SLC35F1: variants seen among roughly 807,000 people sequenced by gnomAD.
The protein encoded by SLC35F1 is solute carrier family 35 member F1, also known as chromosome 6 open reading frame 169.
A neutral mutation model predicts 48.7 loss-of-function variants in SLC35F1; 14 were observed. The ratio of observed to expected loss-of-function variants is 0.29; its 90% CI spans 0.19 to 0.45. SLC35F1 has a LOEUF of 0.45. SLC35F1 is among the 20% of genes least tolerant of loss of function. The probability of loss-of-function intolerance (pLI) is 1.00; values close to 1 mark genes in which losing one functional copy is unlikely to be tolerated. For synonymous variants in SLC35F1, 190 were observed against 202.2 expected, an observed-to-expected ratio of 0.94 and a Z score of 0.51; for missense variants, 404 against 500.0, an observed-to-expected ratio of 0.81 and a Z score of 1.83.
intron 1 of SLC35F1, among the ~76,000 whole-genome samples, chr6:118,116,730 C>T (rs1773480915): frequency 6.6e-6 from 1 of 152,160 alleles, no homozygotes; most frequent in Non-Finnish European, 1.5e-5. Context: ...GCCAACTTCT[C>T]AAACTTGCTC....
intron 2 of SLC35F1, among the ~76,000 whole-genome samples, chr6:118,221,329 C>G (rs115307658): frequency 0.014 from 2,109 of 152,224 alleles, 56 homozygotes; most frequent in African/African-American, 0.048. Context: ...AAGGCACCTC[C>G]GCAAAAACAG....
intron 1 of SLC35F1, among the ~76,000 whole-genome samples, chr6:118,000,094 T>G (rs1240602101): frequency 3.3e-5 from 5 of 152,170 alleles, no homozygotes; most frequent in Admixed American, 6.5e-5. Flanking sequence ...CCCTAACTCA[T>G]TTTACGAGGC....
intron 2 of SLC35F1, among the ~76,000 whole-genome samples, chr6:118,190,496 A>T (rs189743724): frequency 9.6e-4 from 146 of 152,082 alleles, no homozygotes; most frequent in African/African-American, 3.0e-3. Context: ...AGTATGATTT[A>T]AAAAAACTTG....
chr6:118,037,389 G>T lies in SLC35F1; in HGVS notation c.174-117056G>T, dbSNP rs372720836. Among the ~76,000 whole-genome samples, 3 of 151,954 alleles carry T rather than the reference G, an allele frequency of 2.0e-5. No individual in the cohort carries two copies. The East Asian group carries it at 5.8e-4, about 29-fold the overall frequency. On this transcript the variant is annotated intron_variant, in intron 1 of 7. Transcript: ENST00000360388. ...ACATTTTTATCATTTTTTTATCTGTGTTAATTTTCTCTGCTTTTTGTTCTT... is the reference window on the plus strand; with the variant it reads ...ACATTTTTATCATTTTTTTATCTGTTTTAATTTTCTCTGCTTTTTGTTCTT...
At chr6:117,993,999 A>G (rs1776953007) in intron 1 of SLC35F1, among the ~76,000 whole-genome samples, 1 of 152,150 alleles carries the variant, frequency 6.6e-6, no homozygotes, top group Non-Finnish European at 1.5e-5. Context: ...ACTGGGTCTC[A>G]AGAGACAGAA....
chr6:118,153,228 A>C lies in SLC35F1; in HGVS notation c.174-1217A>C, dbSNP rs190523520. Among the ~76,000 whole-genome samples the C allele has an allele frequency of 7.2e-5, 11 of 152,010 alleles. No homozygotes were observed. In the East Asian group the frequency reaches 1.9e-3, roughly 27 times the overall value. On this transcript the variant is annotated intron_variant, in intron 1 of 7. Coordinates refer to ENST00000360388, the MANE Select transcript of SLC35F1 (RefSeq NM_001029858.4). Reference sequence around the variant, plus strand: ...TTTGCCTAAAGCTTTTTGTTTAGAAATCATACTGCATTACAAACTAGAGTG... The same window carrying C: ...TTTGCCTAAAGCTTTTTGTTTAGAACTCATACTGCATTACAAACTAGAGTG...
chr6:118,171,202 A>C (rs1774399236), intron 2 of SLC35F1, among the ~76,000 whole-genome samples: 1 of 151,936 alleles, frequency 6.6e-6, no homozygotes, highest in African/African-American at 2.4e-5. Context: ...ATGCCCTGAT[A>C]ATTTTTATAT....
Position 118,154,694 on chromosome 6 carries a change from G to A in SLC35F1, c.349+74G>A, listed in dbSNP as rs116164312. The A allele has an allele frequency of 5.3e-4, 744 of 1,400,726 alleles. 8 individuals carry two copies. In the African/African-American group the frequency reaches 8.5e-3, roughly 16 times the overall value. 86.8% of individuals were successfully genotyped at this position (1,400,726 alleles called of 1,614,324 possible). A position where few individuals can be genotyped will look rare whatever the true frequency, so the allele number is the denominator to read the frequency against. On this transcript the variant is annotated intron_variant, in intron 2 of 7. Coordinates refer to ENST00000360388, the MANE Select transcript of SLC35F1 (RefSeq NM_001029858.4). ...AAAAGATGAGCCATGACCAGATAAC[G>A]TTTTGTCACTTAAGCATCAGTTAAG... is the stretch of plus-strand genomic sequence containing the variant.
intron 1 of SLC35F1, among the ~76,000 whole-genome samples, chr6:118,086,551 AG>A (rs1314796495): frequency 6.6e-6 from 1 of 152,200 alleles, no homozygotes; most frequent in Non-Finnish European, 1.5e-5. Flanking sequence ...CAAAAAACTG[AG>A]GCAGAAGAGG....
At chr6:118,031,808 G>A (rs1303933367) in intron 1 of SLC35F1, among the ~76,000 whole-genome samples, 1 of 152,180 alleles carries the variant, frequency 6.6e-6, no homozygotes, top group East Asian at 1.9e-4. Context: ...TAGGAAAAGA[G>A]TGGTAGCTTT....
intron 1 of SLC35F1, among the ~76,000 whole-genome samples, chr6:117,998,250 T>A (rs1332937399): frequency 6.9e-6 from 1 of 145,734 alleles, no homozygotes; most frequent in Non-Finnish European, 1.5e-5. Context: ...ATGCACCCAA[T>A]ACAGGAGCAC....
At chr6:118,056,341 A>G (rs756286943) in intron 1 of SLC35F1, among the ~76,000 whole-genome samples, 6 of 152,152 alleles carry the variant, frequency 3.9e-5, no homozygotes, top group Non-Finnish European at 8.8e-5. Context: ...TGTTTTTTCT[A>G]AGAATTAAAT....
At chr6:118,154,998 A>C (rs992239772) in intron 2 of SLC35F1, among the ~76,000 whole-genome samples, 5 of 152,208 alleles carry the variant, frequency 3.3e-5, no homozygotes, top group African/African-American at 1.2e-4. Flanking sequence ...AATTGCAGAC[A>C]AATATATGTT....
intron 2 of SLC35F1, among the ~76,000 whole-genome samples, chr6:118,165,692 C>T (rs887515659): frequency 2.0e-4 from 31 of 152,192 alleles, no homozygotes; most frequent in Middle Eastern, 6.8e-3. Context: ...GCCTGCTGAC[C>T]GAGGTACATG....
chr6:118,111,617 G>A (rs11962518), intron 1 of SLC35F1, among the ~76,000 whole-genome samples: 1 of 151,954 alleles, frequency 6.6e-6, no homozygotes, highest in Non-Finnish European at 1.5e-5. Flanking sequence ...GAAGGAAAAT[G>A]ATATAGATCA....
At chr6:118,291,252 C>T (rs879854468) in intron 7 of SLC35F1, among the ~76,000 whole-genome samples, 9,951 of 41,244 alleles carry the variant, frequency 0.24, 360 homozygotes, top group Middle Eastern at 0.39. Flanking sequence ...TACACACACA[C>T]ACACACACAC....
chr6:118,140,796 A>C (rs1268007919), intron 1 of SLC35F1, among the ~76,000 whole-genome samples: 1 of 152,156 alleles, frequency 6.6e-6, no homozygotes, highest in African/African-American at 2.4e-5. Flanking sequence ...GCCTAGGCTA[A>C]TGTGTGTGCT....
At chr6:117,976,533 A>G (rs1365567526) in intron 1 of SLC35F1, among the ~76,000 whole-genome samples, 1 of 144,516 alleles carries the variant, frequency 6.9e-6, no homozygotes, top group Non-Finnish European at 1.5e-5. Flanking sequence ...TGATAAATAA[A>G]GAGTTGCAGT....
chr6:118,141,297 A>G (rs1204859347), intron 1 of SLC35F1, among the ~76,000 whole-genome samples: 1 of 152,234 alleles, frequency 6.6e-6, no homozygotes, highest in Non-Finnish European at 1.5e-5. Flanking sequence ...ACAACTGCAT[A>G]CAGTATTCAG....
Sources: gnomAD v4.1 joint callset for allele counts (sites outside exome capture counted in the v4.1 genomes callset) on GRCh38, gnomAD v4.1.1 for gene constraint, MANE v1.5 for transcripts, NCBI Gene and HGNC (gene_info 2026-07-23, HGNC 2026-07-21) for gene names.